The following TBC1D8 variants were observed in gnomAD, a reference collection of about 807,000 sequenced individuals.
TBC1D8 encodes BUB2-like protein 1.
In TBC1D8, 65 loss-of-function variants were observed where a neutral mutation model predicts 118.8. The ratio of observed to expected loss-of-function variants is 0.55; its 90% CI spans 0.45 to 0.67. TBC1D8 has a LOEUF of 0.67. TBC1D8 is among the 30% of genes least tolerant of loss of function. The probability of loss-of-function intolerance (pLI) is 0.00; values close to 1 mark genes in which losing one functional copy is unlikely to be tolerated. For synonymous variants in TBC1D8, 566 were observed against 595.8 expected (o/e 0.95, Z 0.73); for missense variants, 1,376 against 1,471.2 (o/e 0.94, Z 1.06).
At chr2:101,034,604 T>G (rs193081909) in intron 9 of TBC1D8, among the ~76,000 whole-genome samples, 5 of 152,286 alleles carry the variant, frequency 3.3e-5, no homozygotes, top group Non-Finnish European at 7.4e-5. Flanking sequence ...GAAAAGTGTG[T>G]GCAAGTGTGT....
At chr2:101,092,577 T>C (rs1676112088) in intron 1 of TBC1D8, among the ~76,000 whole-genome samples, 1 of 152,188 alleles carries the variant, frequency 6.6e-6, no homozygotes, top group Non-Finnish European at 1.5e-5. Context: ...CAAAGGGTTA[T>C]AATCTATTAC....
intron 17 of TBC1D8, among the ~76,000 whole-genome samples, chr2:101,017,267 G>A (rs1415136722): frequency 2.6e-5 from 4 of 151,958 alleles, no homozygotes; most frequent in Admixed American, 2.6e-4. Context: ...CTGTTTTACA[G>A]TTTATTTTTT....
chr2:101,029,591 T>C lies in TBC1D8; in HGVS notation c.2122A>G (p.Ile708Val), dbSNP rs377041619. Reference sequence around the variant, plus strand: ...AGTCCCAGCTGGAAGATGGCTTTGATGCCATCATAGAAGAAGCAGTCTACC... The same window carrying C: ...AGTCCCAGCTGGAAGATGGCTTTGACGCCATCATAGAAGAAGCAGTCTACC... The part of the protein sequence containing the change: ...NVVDCFFYDG[I>V]KAIFQLGLAV... The change falls in exon 12 of 20, where the codon ATC becomes GTC. Residue 708 changes from isoleucine (I) to valine (V), a missense_variant. Ile to Val is a conservative substitution (Grantham distance 29, BLOSUM62 3). Coordinates refer to ENST00000409318, the MANE Select transcript of TBC1D8 (RefSeq NM_001330348.2). 1.9e-5 allele frequency: 31 copies of C among 1,613,952 alleles called. No individual in the cohort carries two copies. Among genetic ancestry groups the C allele is most frequent in the Non-Finnish European group, 2.5e-5 (30 of 1,179,876 alleles).
At chr2:101,045,471 G>A (rs1385354814) in intron 5 of TBC1D8, among the ~76,000 whole-genome samples, 2 of 152,130 alleles carry the variant, frequency 1.3e-5, no homozygotes, top group East Asian at 3.9e-4. Flanking sequence ...CAGGCTTAAC[G>A]TTGCTTCCAG....
chr2:101,054,672 C>CT (rs34465252), intron 3 of TBC1D8, among the ~76,000 whole-genome samples: 83 of 25,436 alleles, frequency 3.3e-3, no homozygotes, highest in South Asian at 6.5e-3. Flanking sequence ...CTTTTCTTTT[C>CT]TTTTTTTTTT....
At chr2:101,115,795 T>TA (rs1677792618) in intron 1 of TBC1D8, among the ~76,000 whole-genome samples, 1 of 151,658 alleles carries the variant, frequency 6.6e-6, no homozygotes, top group Non-Finnish European at 1.5e-5. Flanking sequence ...CAGTACACAG[T>TA]ACTTGTTTGC....
intron 2 of TBC1D8, among the ~76,000 whole-genome samples, chr2:101,076,007 GGA>G (rs1674792582): frequency 6.6e-6 from 1 of 152,100 alleles, no homozygotes; most frequent in South Asian, 2.1e-4. Context: ...AGGGGAGAAG[GGA>G]GAGAGAAAAA....
chr2:101,095,323 C>CA (rs201565368), intron 1 of TBC1D8, among the ~76,000 whole-genome samples: 18,852 of 144,662 alleles, frequency 0.13, 1,391 homozygotes, highest in Middle Eastern at 0.2. Flanking sequence ...CATATGTATA[C>CA]ATGTGCCATG....
At chr2:101,145,691 G>GTA (rs1268453510) in intron 1 of TBC1D8, among the ~76,000 whole-genome samples, 1 of 152,220 alleles carries the variant, frequency 6.6e-6, no homozygotes, top group Non-Finnish European at 1.5e-5. Context: ...TCCAAAGGCA[G>GTA]TAGGTGATTC....
chr2:101,041,258 A>G (rs1206564560), intron 5 of TBC1D8, among the ~76,000 whole-genome samples: 1 of 152,262 alleles, frequency 6.6e-6, no homozygotes, highest in East Asian at 1.9e-4. Flanking sequence ...ATCATTTATG[A>G]TAACTTAAAG....
chr2:101,082,086 C>T (rs1004787923), intron 2 of TBC1D8, among the ~76,000 whole-genome samples: 4 of 152,210 alleles, frequency 2.6e-5, no homozygotes, highest in Non-Finnish European at 4.4e-5. Context: ...TTGCCGTGAA[C>T]CAGTATCACA....
intron 5 of TBC1D8, among the ~76,000 whole-genome samples, chr2:101,044,069 G>A (rs1258123494): frequency 1.3e-5 from 2 of 152,198 alleles, no homozygotes; most frequent in Non-Finnish European, 2.9e-5. Context: ...GAGCAGCCTG[G>A]GCAAGCTGCA....
chr2:101,027,502 A>C, intron 14 of TBC1D8, 51 bp from the exon 15 acceptor site: 1 of 1,548,162 alleles, frequency 6.5e-7, no homozygotes, highest in Non-Finnish European at 8.9e-7. Flanking sequence ...CTGCACCCCC[A>C]GGGGTCAGGG....
chr2:101,011,163 G>T lies in TBC1D8; in HGVS notation c.2918-137C>A, dbSNP rs147506461. On this transcript the variant is annotated intron_variant, in intron 18 of 19. Coordinates refer to ENST00000409318, the MANE Select transcript of TBC1D8 (RefSeq NM_001330348.2). ...TTCCATACAAAACTGGAAAGCAAGA[G>T]ATTCCCCTGGAGAGCCAGTGGGTGG... 1.9e-3 allele frequency: 1,605 copies of T among 848,020 alleles called. 22 individuals are homozygous for T. In the African/African-American group the frequency reaches 0.024, roughly 13 times the overall value. 52.5% of individuals were successfully genotyped at this position (848,020 alleles called of 1,614,324 possible). A position where few individuals can be genotyped will look rare whatever the true frequency, so the allele number is the denominator to read the frequency against.
At chr2:101,059,614 C>T in intron 2 of TBC1D8, 75 bp from the exon 3 acceptor site, 1 of 1,284,948 alleles carries the variant, frequency 7.8e-7, no homozygotes, top group Non-Finnish European at 1.1e-6. Flanking sequence ...AACTCATTTT[C>T]CAAATATTGT....
In TBC1D8 at chr2:101,022,497, A is replaced by G; in HGVS notation, c.2545T>C (p.Trp849Arg). The change falls in exon 16 of 20, where the codon TGG (tryptophan) becomes CGG (arginine). Residue 849 changes from tryptophan to arginine, a missense_variant. Coordinates refer to ENST00000409318, the MANE Select transcript of TBC1D8 (RefSeq NM_001330348.2). Reference protein sequence around the residue: ...FKREHMMSCYWEQPRPMASRH... With the variant: ...FKREHMMSCYREQPRPMASRH... Reference sequence around the variant, plus strand: ...GAGGCCATGGGCCTGGGCTGCTCCCAGTAACAGCTCATCATATGTTCTCTC... The same window carrying G: ...GAGGCCATGGGCCTGGGCTGCTCCCGGTAACAGCTCATCATATGTTCTCTC... 6.3e-7 allele frequency: 1 copy of G among 1,597,550 alleles called. No homozygotes were observed. The highest frequency in any genetic ancestry group is 8.5e-7 in the Non-Finnish European group (1 of 1,175,648).
chr2:101,140,900 T>C (rs1679072055), intron 1 of TBC1D8, among the ~76,000 whole-genome samples: 1 of 152,050 alleles, frequency 6.6e-6, no homozygotes, highest in African/African-American at 2.4e-5. Flanking sequence ...TAGCTGGGAT[T>C]ACAGGGATGC....
chr2:101,040,582 G>T (rs915327851), intron 5 of TBC1D8, among the ~76,000 whole-genome samples, 197 bp from the exon 6 acceptor site: 1 of 152,218 alleles, frequency 6.6e-6, no homozygotes, highest in African/African-American at 2.4e-5. Context: ...TGACTGTCCT[G>T]CCTCAGCCTC....
chr2:101,050,663 T>C, intron 4 of TBC1D8, 22 bp from the exon 5 acceptor site: 1 of 1,608,078 alleles, frequency 6.2e-7, no homozygotes, highest in Non-Finnish European at 8.5e-7. Context: ...AAGGGTGAAA[T>C]ACCTATTATG....
Sources: allele counts gnomAD v4.1 joint callset (sites outside exome capture counted in the v4.1 genomes callset), GRCh38; gene constraint gnomAD v4.1.1; transcripts MANE v1.5; gene names NCBI Gene and HGNC (gene_info 2026-07-23, HGNC 2026-07-21).